The following RASAL2 variants were observed in gnomAD, a reference collection of about 807,000 sequenced individuals.
RASAL2 encodes RAS protein activator like 2.
RASAL2 carries 58 observed loss-of-function variants against 128.9 expected under a neutral mutation model. The observed-to-expected ratio is 0.45, with a 90% CI of 0.36 to 0.56. RASAL2 has a LOEUF of 0.56. Ranked by LOEUF, RASAL2 falls within the 20% of genes least tolerant of loss-of-function variation. The probability of loss-of-function intolerance (pLI) is 0.00; values close to 1 mark genes in which losing one functional copy is unlikely to be tolerated. For synonymous variants in RASAL2, 561 were observed against 580.8 expected (o/e 0.97, Z 0.49); for missense variants, 1,360 against 1,601.6 (o/e 0.85, Z 2.57).
In RASAL2 at chr1:178,451,522, C is replaced by T. The variant is rs1677374097; in HGVS notation, c.1628-49C>T. ...AAATCATAAGTCCTTTTATTCTATT[C>T]AGGAAGACACTGTTTATAGCTATAC... On this transcript the variant is annotated intron_variant, in intron 9 of 17. Transcript: ENST00000367649. 3 of 1,569,372 alleles carry T rather than the reference C, an allele frequency of 1.9e-6. No homozygotes were observed. In the African/African-American group the frequency reaches 4.1e-5, roughly 21 times the overall value.
At chr1:178,223,423 A>G (rs778991946) in intron 1 of RASAL2, among the ~76,000 whole-genome samples, 8 of 152,216 alleles carry the variant, frequency 5.3e-5, no homozygotes, top group Non-Finnish European at 1.2e-4. Context: ...GGAAGATCGT[A>G]TACCATCCAG....
At chr1:178,203,455 A>G (rs142247511) in intron 1 of RASAL2, among the ~76,000 whole-genome samples, 2 of 152,284 alleles carry the variant, frequency 1.3e-5, no homozygotes, top group African/African-American at 4.8e-5. Flanking sequence ...CATCTAATAC[A>G]TGGTACTGTT....
At position 178,407,349 on chromosome 1, in the gene RASAL2, C is replaced by T. The variant is rs115332884; in HGVS notation, c.565-13162C>T. ...TTTCCTTGTTAATTTTTTAGAATTA[C>T]GTTTTAGTCAACATTTAGTGAATAT... On this transcript the variant is annotated intron_variant, in intron 4 of 17. Coordinates refer to ENST00000367649, the MANE Select transcript of RASAL2 (RefSeq NM_170692.4). Among the ~76,000 whole-genome samples, 386 of 152,214 alleles carry T rather than the reference C, an allele frequency of 2.5e-3. 3 individuals carry two copies. Among genetic ancestry groups the T allele is most frequent in the African/African-American group, 8.9e-3 (371 of 41,544 alleles).
intron 1 of RASAL2, among the ~76,000 whole-genome samples, chr1:178,175,108 A>T (rs1367579717): frequency 6.6e-6 from 1 of 152,132 alleles, no homozygotes; most frequent in Non-Finnish European, 1.5e-5. Flanking sequence ...AAATTATCTT[A>T]ACTATTTTAG....
chr1:178,096,310 G>A (rs1658680625), intron 1 of RASAL2, among the ~76,000 whole-genome samples: 2 of 152,148 alleles, frequency 1.3e-5, no homozygotes, highest in Admixed American at 1.3e-4. Flanking sequence ...ACATGTATAT[G>A]ATAATTCGGT....
chr1:178,472,467 TC>T (rs1648366093), intron 17 of RASAL2, among the ~76,000 whole-genome samples: 1 of 152,182 alleles, frequency 6.6e-6, no homozygotes, highest in African/African-American at 2.4e-5. Context: ...CACATCTCCC[TC>T]CCCATATTCA....
At chr1:178,109,957 A>G (rs1219799498) in intron 1 of RASAL2, among the ~76,000 whole-genome samples, 2 of 152,140 alleles carry the variant, frequency 1.3e-5, no homozygotes, top group Non-Finnish European at 2.9e-5. Context: ...GTTCAAGTCT[A>G]CAGTGAACTG....
chr1:178,376,180 C>T (rs1414881204), intron 3 of RASAL2, among the ~76,000 whole-genome samples: 1 of 151,866 alleles, frequency 6.6e-6, no homozygotes, highest in Non-Finnish European at 1.5e-5. Flanking sequence ...CTACAAAAGC[C>T]AAAGAGAAGT....
At position 178,448,710 on chromosome 1, in the gene RASAL2, T is replaced by G. The variant is rs1677184319; in HGVS notation, c.1628-2861T>G. Among the ~76,000 whole-genome samples, 4 of 151,002 alleles carry G rather than the reference T, an allele frequency of 2.6e-5. 1 individual carries two copies. In the South Asian group the frequency reaches 8.3e-4, roughly 31 times the overall value. On this transcript the variant is annotated intron_variant, in intron 9 of 17. Coordinates refer to ENST00000367649, the MANE Select transcript of RASAL2 (RefSeq NM_170692.4). The stretch of plus-strand genomic sequence containing the variant: ...ATTCTCCATTCTATGGAGATAGGAG[T>G]GAGTATTTATTGACTATCTGCTTCT...
intron 1 of RASAL2, among the ~76,000 whole-genome samples, chr1:178,153,790 T>C (rs1218730026): frequency 6.6e-6 from 1 of 152,156 alleles, no homozygotes; most frequent in Non-Finnish European, 1.5e-5. Context: ...CTTGTGTATA[T>C]AGACATCAAG....
chr1:178,473,926 T>C lies in RASAL2; in HGVS notation c.*687T>C, dbSNP rs528499075. 1 of 152,524 alleles carries C rather than the reference T, an allele frequency of 6.6e-6. No homozygotes were observed. Among genetic ancestry groups the C allele is most frequent in the African/African-American group, 2.4e-5 (1 of 41,582 alleles). The allele number at this position is 152,524 out of a possible 1,614,324, so 9.4% of individuals were successfully genotyped here. ...AACTGGACTTTAGGAGTAATTTCTA[T>C]TGAACTCCTGTCAATATGTTTATTT... On this transcript the variant is annotated 3_prime_UTR_variant, in exon 18 of 18. Coordinates refer to ENST00000367649, the MANE Select transcript of RASAL2 (RefSeq NM_170692.4).
At chr1:178,431,864 AAATT>A (rs1342576292) in intron 5 of RASAL2, among the ~76,000 whole-genome samples, 2 of 147,542 alleles carry the variant, frequency 1.4e-5, no homozygotes, top group African/African-American at 2.5e-5. Flanking sequence ...GTATTTAAAT[AAATT>A]ATGTATATTA....
intron 3 of RASAL2, among the ~76,000 whole-genome samples, chr1:178,319,708 A>G (rs1032325743): frequency 6.6e-5 from 10 of 151,322 alleles, no homozygotes; most frequent in Non-Finnish European, 1.5e-4. Flanking sequence ...AATTTTTTTC[A>G]AAGTTTTCAA....
chr1:178,192,352 A>G (rs976428650), intron 1 of RASAL2, among the ~76,000 whole-genome samples: 3 of 152,210 alleles, frequency 2.0e-5, no homozygotes, highest in Admixed American at 2.0e-4. Flanking sequence ...TAACTAAAAG[A>G]CAAAAAAATG....
At chr1:178,201,368 G>A (rs535000962) in intron 1 of RASAL2, among the ~76,000 whole-genome samples, 1 of 152,280 alleles carries the variant, frequency 6.6e-6, no homozygotes, top group East Asian at 1.9e-4. Flanking sequence ...GTAGAGGAAG[G>A]GATCCAAGGG....
intron 4 of RASAL2, among the ~76,000 whole-genome samples, chr1:178,415,900 G>A (rs952526656): frequency 2.6e-5 from 4 of 151,892 alleles, no homozygotes; most frequent in African/African-American, 7.3e-5. Context: ...GATTAGTGTT[G>A]GCATAGTATA....
intron 3 of RASAL2, among the ~76,000 whole-genome samples, chr1:178,308,607 G>A (rs552956585): frequency 6.8e-6 from 1 of 147,804 alleles, no homozygotes; most frequent in African/African-American, 2.5e-5. Flanking sequence ...GTGGTGTGGT[G>A]TAATCATGAC....
intron 3 of RASAL2, among the ~76,000 whole-genome samples, chr1:178,342,330 C>A (rs1669925290): frequency 6.6e-6 from 1 of 152,148 alleles, no homozygotes; most frequent in South Asian, 2.1e-4. Flanking sequence ...AATGAAAACC[C>A]AGATCTCCTT....
intron 2 of RASAL2, among the ~76,000 whole-genome samples, chr1:178,286,656 C>T (rs1374636489): frequency 6.6e-6 from 1 of 152,354 alleles, no homozygotes; most frequent in East Asian, 1.9e-4. Flanking sequence ...AGGTGATCCA[C>T]CCGCCTCAGC....
Sources: gnomAD v4.1 joint callset for allele counts (sites outside exome capture counted in the v4.1 genomes callset) on GRCh38, gnomAD v4.1.1 for gene constraint, MANE v1.5 for transcripts, NCBI Gene and HGNC (gene_info 2026-07-23, HGNC 2026-07-21) for gene names.